The following ALDOB variants were observed in gnomAD, a reference collection of about 807,000 sequenced individuals.
ALDOB encodes fructose-bisphosphate aldolase B.
In ALDOB, 39 loss-of-function variants were observed where a neutral mutation model predicts 41.0. That is an observed-to-expected ratio of 0.95 (90% CI 0.74 to 1.24). The LOEUF (loss-of-function observed/expected upper bound fraction) is 1.24, where lower values mean the gene tolerates loss of function less well. Among genes scored for constraint, ALDOB ranks in the 50% most tolerant of loss-of-function variants. ALDOB has a pLI of 0.00. For synonymous variants in ALDOB, 175 were observed against 168.8 expected (o/e 1.04, Z -0.28); for missense variants, 530 against 457.3 (o/e 1.16, Z -1.45).
chr9:101,428,888 G>A (rs956535694), intron 3 of ALDOB, among the ~76,000 whole-genome samples: 7 of 152,142 alleles, frequency 4.6e-5, no homozygotes, highest in African/African-American at 1.7e-4. Flanking sequence ...GTTACTCTTC[G>A]TAGTTCAGTT....
intron 8 of ALDOB, among the ~76,000 whole-genome samples, chr9:101,423,609 T>C (rs986907512): frequency 1.3e-5 from 2 of 152,238 alleles, no homozygotes; most frequent in African/African-American, 4.8e-5. Flanking sequence ...TCTTGACTTA[T>C]ATAGAGCTGA....
chr9:101,435,745 C>A lies in ALDOB; in HGVS notation c.-47G>T, dbSNP rs1485548133. On this transcript the variant is annotated 5_prime_UTR_variant, in exon 1 of 9. Coordinates refer to ENST00000647789, the MANE Select transcript of ALDOB (RefSeq NM_000035.4). ...GAAGAGTCCTCCTAGATATCAAAAGCTGTGGGTGAGGCAGCAGCTGCCAAA... is the reference window on the plus strand; with the variant it reads ...GAAGAGTCCTCCTAGATATCAAAAGATGTGGGTGAGGCAGCAGCTGCCAAA... The A allele has an allele frequency of 1.3e-5, 2 of 152,116 alleles. No individual in the cohort carries two copies. The highest frequency in any genetic ancestry group is 2.9e-5 in the Non-Finnish European group (2 of 68,028). 9.4% of individuals were successfully genotyped at this position (152,116 alleles called of 1,614,324 possible).
At chr9:101,433,609 G>A (rs1296492934) in intron 1 of ALDOB, among the ~76,000 whole-genome samples, 1 of 152,160 alleles carries the variant, frequency 6.6e-6, no homozygotes, top group Non-Finnish European at 1.5e-5. Flanking sequence ...ACAAGTTTCA[G>A]AGAAGTATGC....
chr9:101,433,248 A>ACCT, intron 1 of ALDOB, among the ~76,000 whole-genome samples: 1 of 152,118 alleles, frequency 6.6e-6, no homozygotes, highest in South Asian at 2.1e-4. Context: ...CACCTAAGTG[A>ACCT]CCTCCATTTT....
Position 101,430,782 on chromosome 9 carries a change from A to G in ALDOB, c.106T>C (p.Ser36Pro). 1 of 1,611,956 alleles carries G rather than the reference A, an allele frequency of 6.2e-7. No individual in the cohort carries two copies. Among genetic ancestry groups the G allele is most frequent in the Middle Eastern group, 1.7e-4 (1 of 6,060 alleles). Reference sequence around the variant, plus strand: ...GACTGCTTTTTACACTCACCTACAGATTCATCTGCAGCCAGGATCCCCTTT... The same window carrying G: ...GACTGCTTTTTACACTCACCTACAGGTTCATCTGCAGCCAGGATCCCCTTT... ...NGKGILAADE[S>P]VGTMGNRLQR... is the part of the protein sequence containing the mutation. Residue 36 changes from serine (S) to proline (P), a missense_variant, in exon 2 of 9, where the codon TCT (serine) becomes CCT (proline). Physicochemically the swap from Ser to Pro is moderately conservative, Grantham distance 74 (BLOSUM62 -1). Transcript: ENST00000647789.
chr9:101,423,365 A>G (rs1373834308), intron 8 of ALDOB, among the ~76,000 whole-genome samples: 1 of 152,174 alleles, frequency 6.6e-6, no homozygotes, highest in African/African-American at 2.4e-5. Flanking sequence ...ATCTTCCTGC[A>G]TGCTTTAGAC....
chr9:101,430,857 C>G lies in ALDOB; in HGVS notation c.31G>C (p.Glu11Gln). The G allele has an allele frequency of 6.2e-7, 1 of 1,614,120 alleles. No individual in the cohort carries two copies. The highest frequency in any genetic ancestry group is 8.5e-7 in the Non-Finnish European group (1 of 1,180,006). ...ATTTCTGAGAGCTCCTTCTTCTGCT[C>G]CTGGGTGAGGGCTGGAAATCGGTGG... Reference protein sequence around the residue: MAHRFPALTQEQKKELSEIAQ... With the variant: MAHRFPALTQQQKKELSEIAQ... The change falls in exon 2 of 9, where the codon GAG becomes CAG. Residue 11 changes from glutamate to glutamine, a missense_variant. Coordinates refer to ENST00000647789, the MANE Select transcript of ALDOB (RefSeq NM_000035.4).
intron 4 of ALDOB, among the ~76,000 whole-genome samples, chr9:101,428,087 C>A (rs893872126): frequency 2.0e-5 from 3 of 152,132 alleles, no homozygotes; most frequent in African/African-American, 7.2e-5. Flanking sequence ...GGATTCAAAC[C>A]CAGGTGTGTC....
At position 101,421,550 on chromosome 9, in the gene ALDOB, T is replaced by C; in HGVS notation, c.*259A>G. On this transcript the variant is annotated 3_prime_UTR_variant, in exon 9 of 9. Transcript: ENST00000647789. ...TATTGTTTTAAAGCCTATTATTTTC[T>C]TGGGTGGGTATTCTGGAGCATGGGG... The C allele has an allele frequency of 1.9e-6, 1 of 527,340 alleles. No homozygotes were observed. Among genetic ancestry groups the C allele is most frequent in the Non-Finnish European group, 3.4e-6 (1 of 291,306 alleles). The allele number at this position is 527,340 out of a possible 1,614,324, so 32.7% of individuals were successfully genotyped here.
At chr9:101,433,332 T>A (rs1253823493) in intron 1 of ALDOB, among the ~76,000 whole-genome samples, 2 of 152,292 alleles carry the variant, frequency 1.3e-5, no homozygotes, top group South Asian at 2.1e-4. Flanking sequence ...ACAGTGAAAA[T>A]GATAATTCAA....
intron 1 of ALDOB, among the ~76,000 whole-genome samples, chr9:101,433,668 T>C (rs1229549311): frequency 2.0e-5 from 3 of 152,252 alleles, no homozygotes; most frequent in Non-Finnish European, 2.9e-5. Flanking sequence ...TATATACCCA[T>C]ACTGTTTTTG....
At chr9:101,432,168 G>A (rs557413155) in intron 1 of ALDOB, among the ~76,000 whole-genome samples, 1 of 152,268 alleles carries the variant, frequency 6.6e-6, no homozygotes, top group African/African-American at 2.4e-5. Flanking sequence ...TAGCCACTGA[G>A]CTAATTCATG....
rs1251000433 is a variant in ALDOB, at chr9:101,421,918, A to G, written c.1000-14T>C. ...CTGGCAGTTAGCCTAGAAGACAAAT[A>G]TGAGAGAGGAGACTGGTTAGAGTAA... On this transcript the variant is annotated splice_polypyrimidine_tract_variant and intron_variant, in intron 8 of 8. Coordinates refer to ENST00000647789, the MANE Select transcript of ALDOB (RefSeq NM_000035.4). The G allele has an allele frequency of 1.9e-6, 3 of 1,609,358 alleles. No homozygotes were observed. The highest frequency in any genetic ancestry group is 1.1e-5 in the South Asian group (1 of 90,602).
chr9:101,435,076 C>G (rs984426335), intron 1 of ALDOB, among the ~76,000 whole-genome samples: 1 of 152,152 alleles, frequency 6.6e-6, no homozygotes, highest in African/African-American at 2.4e-5. Flanking sequence ...CTGGGGCCAG[C>G]AGGAAATGTT....
rs1474492158 is a variant in ALDOB, at chr9:101,424,845, T to A, written c.997A>T (p.Met333Leu). ...ATQEAFMKRA[M>L]ANCQAAKGQY... ...GATAAGAGGTGGCAGCATCTTACCA[T>A]GGCCCGCTTCATAAAAGCCTCCTGG... The change falls in exon 8 of 9, where the codon ATG (methionine) becomes TTG (leucine). Residue 333 changes from methionine (M) to leucine (L), a missense_variant and splice_region_variant. Physicochemically the swap from Met to Leu is conservative, Grantham distance 15 (BLOSUM62 2). Coordinates refer to ENST00000647789, the MANE Select transcript of ALDOB (RefSeq NM_000035.4). 6.2e-7 allele frequency: 1 copy of A among 1,612,658 alleles called. No individual in the cohort carries two copies.
intron 4 of ALDOB, 47 bp downstream of exon 4, chr9:101,428,422 T>G: frequency 6.4e-7 from 1 of 1,564,046 alleles, no homozygotes; most frequent in Non-Finnish European, 8.8e-7. Context: ...TTGCCTTCAT[T>G]TCTAGCTTAC....
At chr9:101,424,165 C>A (rs965369466) in intron 8 of ALDOB, among the ~76,000 whole-genome samples, 1 of 152,168 alleles carries the variant, frequency 6.6e-6, no homozygotes, top group Non-Finnish European at 1.5e-5. Context: ...TGTCTGTAAT[C>A]TCAGCACTTT....
chr9:101,428,069 T>C (rs1054308841), intron 4 of ALDOB, among the ~76,000 whole-genome samples: 5 of 152,180 alleles, frequency 3.3e-5, no homozygotes, highest in Non-Finnish European at 7.3e-5. Flanking sequence ...TAGCATGTGA[T>C]AGAACCAGGA....
At position 101,429,969 on chromosome 9, in the gene ALDOB, A is replaced by G. The variant is rs1831193677; in HGVS notation, c.113-3T>C. The G allele has an allele frequency of 2.5e-6, 4 of 1,613,720 alleles. No individual in the cohort carries two copies. The South Asian group carries it at 4.4e-5, about 18-fold the overall frequency. On this transcript the variant is annotated splice_polypyrimidine_tract_variant and splice_region_variant and intron_variant, in intron 2 of 8. Coordinates refer to ENST00000647789, the MANE Select transcript of ALDOB (RefSeq NM_000035.4). Reference sequence around the variant, plus strand: ...CTGCAGGCGGTTCCCCATGGTACCTATGGTGGGAGGGCCAAGGGCAGCATA... The same window carrying G: ...CTGCAGGCGGTTCCCCATGGTACCTGTGGTGGGAGGGCCAAGGGCAGCATA...
Sources: allele counts gnomAD v4.1 joint callset (sites outside exome capture counted in the v4.1 genomes callset), GRCh38; gene constraint gnomAD v4.1.1; transcripts MANE v1.5; gene names NCBI Gene and HGNC (gene_info 2026-07-23, HGNC 2026-07-21).